Variants in COL22A1 observed in about 807,000 individuals in gnomAD.
COL22A1 encodes collagen type XXII alpha 1 chain.
COL22A1 carries 221 observed loss-of-function variants against 248.9 expected under a neutral mutation model. That is an observed-to-expected ratio of 0.89 (90% CI 0.80 to 0.99). The LOEUF is 0.99. Ranked by LOEUF, COL22A1 falls within the 50% of genes least tolerant of loss-of-function variation. The pLI is 0.00. For missense variants in COL22A1, 2,240 were observed against 2,179.0 expected, an observed-to-expected ratio of 1.03 and a Z score of -0.56; for synonymous variants, 891 against 793.4, an observed-to-expected ratio of 1.12 and a Z score of -2.07.
chr8:138,605,347 C>T (rs1004437049), intron 58 of COL22A1, among the ~76,000 whole-genome samples: 2 of 152,190 alleles, frequency 1.3e-5, no homozygotes, highest in African/African-American at 4.8e-5. Flanking sequence ...TGGACAAGCA[C>T]CCCACTCTTA....
intron 10 of COL22A1, among the ~76,000 whole-genome samples, chr8:138,804,234 C>G (rs946655344): frequency 6.6e-6 from 1 of 152,122 alleles, no homozygotes; most frequent in Non-Finnish European, 1.5e-5. Flanking sequence ...TGTAGGGACA[C>G]GGAGCCACCA....
At chr8:138,699,999 G>T (rs1305667402) in intron 32 of COL22A1, 113 bp downstream of exon 32, 1 of 964,510 alleles carries the variant, frequency 1.0e-6, no homozygotes, top group South Asian at 1.4e-5. Context: ...TGACAGTGAT[G>T]AACGCGATGG....
chr8:138,893,856 G>A (rs1825223073), intron 1 of COL22A1, among the ~76,000 whole-genome samples: 1 of 152,216 alleles, frequency 6.6e-6, no homozygotes, highest in South Asian at 2.1e-4. Flanking sequence ...ATGGTCAGTG[G>A]ACATGGTGTC....
intron 38 of COL22A1, 63 bp downstream of exon 38, chr8:138,685,145 C>T: frequency 1.7e-6 from 2 of 1,173,424 alleles, no homozygotes; most frequent in Non-Finnish European, 2.5e-6. Flanking sequence ...GATTTTTTTC[C>T]TTTTCCTTCT....
At chr8:138,833,485 A>G (rs1299906860) in intron 4 of COL22A1, among the ~76,000 whole-genome samples, 1 of 152,190 alleles carries the variant, frequency 6.6e-6, no homozygotes, top group Non-Finnish European at 1.5e-5. Context: ...CGAAACCCAG[A>G]TGTGTGCTCT....
At chr8:138,725,502 G>A in intron 23 of COL22A1, 62 bp from the exon 24 acceptor site, 3 of 1,421,210 alleles carry the variant, frequency 2.1e-6, no homozygotes, top group Non-Finnish European at 2.9e-6. Context: ...TAGGGACAGT[G>A]GGCATTTGAA....
At chr8:138,873,187 A>G (rs575385408) in intron 3 of COL22A1, among the ~76,000 whole-genome samples, 1 of 152,328 alleles carries the variant, frequency 6.6e-6, no homozygotes, top group East Asian at 1.9e-4. Context: ...CTGTGCCATC[A>G]ACCATAAAAC....
intron 12 of COL22A1, among the ~76,000 whole-genome samples, chr8:138,792,064 C>A (rs965880102): frequency 2.6e-5 from 4 of 152,040 alleles, no homozygotes; most frequent in African/African-American, 9.7e-5. Context: ...ATGTTCAGTC[C>A]CTAGTTGCTG....
intron 60 of COL22A1, 76 bp from the exon 61 acceptor site, chr8:138,598,974 C>T (rs568025106): frequency 3.4e-6 from 5 of 1,450,284 alleles, no homozygotes; most frequent in African/African-American, 1.4e-5. Context: ...AAAGGGGTTC[C>T]CCCAGTCTGC....
chr8:138,723,543 G>T (rs559177112), intron 25 of COL22A1, among the ~76,000 whole-genome samples: 1 of 152,164 alleles, frequency 6.6e-6, no homozygotes, highest in African/African-American at 2.4e-5. Flanking sequence ...ACACCGATCT[G>T]CATACTTTCT....
chr8:138,815,855 G>T (rs572763931), intron 7 of COL22A1, among the ~76,000 whole-genome samples: 1 of 152,228 alleles, frequency 6.6e-6, no homozygotes, highest in East Asian at 1.9e-4. Flanking sequence ...CTGATGCAAA[G>T]TGCCCTGGAC....
intron 59 of COL22A1, among the ~76,000 whole-genome samples, 187 bp downstream of exon 59, chr8:138,604,547 T>A (rs1818279654): frequency 6.6e-6 from 1 of 152,182 alleles, no homozygotes; most frequent in Non-Finnish European, 1.5e-5. Context: ...GGCTACATAA[T>A]TTGTGGGGCT....
intron 24 of COL22A1, among the ~76,000 whole-genome samples, chr8:138,724,877 C>T (rs894952432): frequency 6.6e-6 from 1 of 152,164 alleles, no homozygotes; most frequent in African/African-American, 2.4e-5. Context: ...GCAGTCGGGG[C>T]GTCCTTCCTA....
intron 4 of COL22A1, among the ~76,000 whole-genome samples, chr8:138,834,001 T>C (rs948636771): frequency 6.6e-6 from 1 of 152,192 alleles, no homozygotes; most frequent in Admixed American, 6.5e-5. Flanking sequence ...ACAGAGTGGG[T>C]TTCTTTTTAC....
At chr8:138,845,499 A>G (rs1821179102) in intron 3 of COL22A1, among the ~76,000 whole-genome samples, 1 of 150,570 alleles carries the variant, frequency 6.6e-6, no homozygotes, top group Non-Finnish European at 1.5e-5. Flanking sequence ...TGGGTGACAG[A>G]ATGAGACTCC....
chr8:138,609,280 A>G (rs569021098), intron 56 of COL22A1, among the ~76,000 whole-genome samples: 1 of 152,352 alleles, frequency 6.6e-6, no homozygotes, highest in African/African-American at 2.4e-5. Flanking sequence ...CAAGGAGCTG[A>G]GATCTGAACA....
chr8:138,866,311 G>A (rs1822888587), intron 3 of COL22A1, among the ~76,000 whole-genome samples: 1 of 152,114 alleles, frequency 6.6e-6, no homozygotes, highest in African/African-American at 2.4e-5. Flanking sequence ...GATAAGGTTA[G>A]CTACAGGACA....
At chr8:138,903,260 G>A (rs1814752477) in intron 1 of COL22A1, among the ~76,000 whole-genome samples, 1 of 152,088 alleles carries the variant, frequency 6.6e-6, no homozygotes, top group African/African-American at 2.4e-5. Flanking sequence ...AGGTCATGTG[G>A]CTATTAAATG....
chr8:138,766,852 C>T (rs1221117504), intron 16 of COL22A1, among the ~76,000 whole-genome samples: 2 of 152,244 alleles, frequency 1.3e-5, no homozygotes, highest in Non-Finnish European at 2.9e-5. Context: ...CCATGCCCCC[C>T]TGCAGGCCCT....
Sources: gnomAD v4.1 joint callset for allele counts (sites outside exome capture counted in the v4.1 genomes callset) on GRCh38, gnomAD v4.1.1 for gene constraint, MANE v1.5 for transcripts, NCBI Gene and HGNC (gene_info 2026-07-23, HGNC 2026-07-21) for gene names.